TRAT1: variants seen among roughly 807,000 people sequenced by gnomAD.
TRAT1 encodes T cell receptor associated transmembrane adaptor 1.
TRAT1 carries 20 observed loss-of-function variants against 20.0 expected under a neutral mutation model. That is an observed-to-expected ratio of 1.00 (90% confidence interval 0.70 to 1.45). TRAT1 has a LOEUF of 1.45. Ranked by LOEUF, TRAT1 falls within the 40% of genes most tolerant of loss-of-function variation. TRAT1 has a pLI of 0.00. For missense variants in TRAT1, 237 were observed against 224.1 expected (o/e 1.06, Z -0.37); for synonymous variants, 77 against 74.2 (o/e 1.04, Z -0.20).
At chr3:108,836,348 A>T (rs1379965136) in intron 2 of TRAT1, among the ~76,000 whole-genome samples, 1 of 152,176 alleles carries the variant, frequency 6.6e-6, no homozygotes, top group Non-Finnish European at 1.5e-5. Context: ...TTTTTACTCC[A>T]TACCTACTTT....
At chr3:108,831,797 C>G (rs2107507839) in intron 2 of TRAT1, among the ~76,000 whole-genome samples, 1 of 152,200 alleles carries the variant, frequency 6.6e-6, no homozygotes, top group Middle Eastern at 3.4e-3. Flanking sequence ...CCTGCCTTGG[C>G]CTCCCAAAAC....
chr3:108,833,294 T>C (rs1945810951), intron 2 of TRAT1, among the ~76,000 whole-genome samples: 1 of 152,172 alleles, frequency 6.6e-6, no homozygotes, highest in Non-Finnish European at 1.5e-5. Flanking sequence ...GGCGCATGCC[T>C]GTAATCCCAG....
intron 5 of TRAT1, among the ~76,000 whole-genome samples, chr3:108,853,176 C>A (rs897996474): frequency 1.3e-5 from 2 of 152,130 alleles, no homozygotes; most frequent in African/African-American, 4.8e-5. Context: ...TTTTGTGGTA[C>A]CATTAAATGA....
At chr3:108,843,988 T>C (rs1945917882) in intron 3 of TRAT1, among the ~76,000 whole-genome samples, 1 of 152,212 alleles carries the variant, frequency 6.6e-6, no homozygotes, top group Non-Finnish European at 1.5e-5. Flanking sequence ...TTTAAACATT[T>C]ACACACTTAC....
intron 1 of TRAT1, among the ~76,000 whole-genome samples, chr3:108,829,382 G>A (rs1945769962): frequency 3.9e-5 from 6 of 152,060 alleles, no homozygotes; most frequent in Admixed American, 2.0e-4. Flanking sequence ...TCAGGAGTTT[G>A]AGACCAGCCT....
At chr3:108,832,180 AAT>A (rs1213411153) in intron 2 of TRAT1, among the ~76,000 whole-genome samples, 1 of 152,208 alleles carries the variant, frequency 6.6e-6, no homozygotes, top group Admixed American at 6.5e-5. Flanking sequence ...ACATCTATTC[AAT>A]AGCAAAATCA....
intron 4 of TRAT1, chr3:108,847,393 T>A: frequency 3.2e-6 from 1 of 316,424 alleles, no homozygotes; most frequent in Non-Finnish European, 5.7e-6. Flanking sequence ...ACAGGAAGAC[T>A]ATTACCATGA....
intron 1 of TRAT1, among the ~76,000 whole-genome samples, chr3:108,824,976 G>A (rs1445406756): frequency 6.6e-6 from 1 of 151,992 alleles, no homozygotes; most frequent in Non-Finnish European, 1.5e-5. Flanking sequence ...TTCCCCTTTG[G>A]GTTTAATACA....
intron 3 of TRAT1, among the ~76,000 whole-genome samples, chr3:108,840,062 G>T (rs948801331): frequency 1.3e-5 from 2 of 151,896 alleles, no homozygotes; most frequent in African/African-American, 4.8e-5. Context: ...TTTCTCACTG[G>T]GTAGGATAAG....
At chr3:108,853,196 A>T (rs1003687407) in intron 5 of TRAT1, among the ~76,000 whole-genome samples, 2 of 152,210 alleles carry the variant, frequency 1.3e-5, no homozygotes, top group African/African-American at 4.8e-5. Context: ...ACCAATTGTT[A>T]GGTACATGTA....
chr3:108,841,022 A>G (rs1945892087), intron 3 of TRAT1, among the ~76,000 whole-genome samples: 1 of 152,256 alleles, frequency 6.6e-6, no homozygotes, highest in South Asian at 2.1e-4. Context: ...TGTTTCTGTG[A>G]GAGACTAGAA....
intron 5 of TRAT1, among the ~76,000 whole-genome samples, chr3:108,851,764 T>G (rs896981866): frequency 4.6e-5 from 7 of 152,332 alleles, no homozygotes; most frequent in African/African-American, 1.4e-4. Context: ...TTTCCACCCA[T>G]GCACTTAACT....
chr3:108,847,168 C>A (rs1331008790), intron 4 of TRAT1, 39 bp downstream of exon 4: 1 of 1,270,950 alleles, frequency 7.9e-7, no homozygotes. Context: ...ATAAGTAAAT[C>A]CCAGTTGGTT....
At chr3:108,851,536 TG>T (rs1945998164) in intron 5 of TRAT1, among the ~76,000 whole-genome samples, 1 of 152,184 alleles carries the variant, frequency 6.6e-6, no homozygotes, top group Non-Finnish European at 1.5e-5. Context: ...TTCAGGATCT[TG>T]TACTTTCAAT....
At chr3:108,849,948 A>C (rs1017188399) in intron 5 of TRAT1, among the ~76,000 whole-genome samples, 19 of 152,232 alleles carry the variant, frequency 1.2e-4, no homozygotes, top group African/African-American at 4.3e-4. Context: ...CATTTCAATT[A>C]AAATAGTTTT....
At chr3:108,832,469 G>C (rs1287931058) in intron 2 of TRAT1, among the ~76,000 whole-genome samples, 2 of 152,130 alleles carry the variant, frequency 1.3e-5, no homozygotes, top group African/African-American at 4.8e-5. Flanking sequence ...ATCTTCTACA[G>C]TTTCCCTCCT....
intron 3 of TRAT1, among the ~76,000 whole-genome samples, chr3:108,845,829 A>G (rs1331495153): frequency 6.6e-6 from 1 of 152,128 alleles, no homozygotes; most frequent in Admixed American, 6.5e-5. Context: ...CAGTTCCCAG[A>G]CTGCCATTGT....
chr3:108,838,870 T>A, intron 2 of TRAT1, 64 bp from the exon 3 acceptor site: 2 of 1,291,748 alleles, frequency 1.5e-6, no homozygotes, highest in Non-Finnish European at 2.3e-6. Context: ...AGAACACACT[T>A]TAGAATATTT....
rs570107987 is a variant in TRAT1 at position 108,852,687 on chromosome 3, C to A, written c.304-933C>A. ...TCTACAACTTTTCATAATTATAGTG[C>A]TACCTTACTTTTGAACAGTAGTTAT... is the stretch of plus-strand genomic sequence containing the variant. On this transcript the variant is annotated intron_variant, in intron 5 of 5. Coordinates refer to ENST00000295756, the MANE Select transcript of TRAT1 (RefSeq NM_016388.4). 2.0e-5 allele frequency among the ~76,000 whole-genome samples: 3 copies of A among 152,266 alleles called. No individual in the cohort carries two copies. The South Asian group carries it at 6.2e-4, about 32-fold the overall frequency.
Sources: gnomAD v4.1 joint callset for allele counts (sites outside exome capture counted in the v4.1 genomes callset) on GRCh38, gnomAD v4.1.1 for gene constraint, MANE v1.5 for transcripts, NCBI Gene and HGNC (gene_info 2026-07-23, HGNC 2026-07-21) for gene names.